STAT3: variants seen among roughly 807,000 people sequenced by gnomAD.
STAT3 encodes signal transducer and activator of transcription 3.
In STAT3, 7 loss-of-function variants were observed where a neutral mutation model predicts 114.3. The observed-to-expected ratio is 0.06, with a 90% confidence interval of 0.03 to 0.11. STAT3 has a LOEUF of 0.11. Among genes scored for constraint, STAT3 ranks in the 10% least tolerant of loss-of-function variants. STAT3 has a pLI of 1.00. For synonymous variants in STAT3, 331 were observed against 354.5 expected (o/e 0.93, Z 0.74); for missense variants, 364 against 960.9 (o/e 0.38, Z 8.21).
intron 8 of STAT3, among the ~76,000 whole-genome samples, chr17:42,334,823 G>C (rs904558442): frequency 5.9e-5 from 9 of 152,150 alleles, no homozygotes; most frequent in Non-Finnish European, 1.2e-4. Context: ...GGGCACACAA[G>C]AAGTATTAAA....
chr17:42,377,983 ATT>A lies in STAT3; in HGVS notation c.-24+10294_-24+10295del, dbSNP rs11378560. 3.1e-3 allele frequency among the ~76,000 whole-genome samples: 397 copies of A among 127,678 alleles called. 2 individuals are homozygous for A. The highest frequency in any genetic ancestry group is 0.011 in the African/African-American group (378 of 33,678). 83.8% of individuals were successfully genotyped at this position (127,678 alleles called of 152,430 possible). The stretch of plus-strand genomic sequence containing the variant: ...CCTGGGATATTTCTGCAGAAACAGG[ATT>A]TTTTTTTTTTTTTTTTTTGAGATGG... On this transcript the variant is annotated intron_variant, in intron 1 of 23. Transcript: ENST00000264657.
At chr17:42,341,170 A>G (rs536812660) in intron 4 of STAT3, among the ~76,000 whole-genome samples, 3 of 152,256 alleles carry the variant, frequency 2.0e-5, no homozygotes, top group Non-Finnish European at 4.4e-5. Flanking sequence ...GGGAGAAAAC[A>G]TGATTAACGA....
chr17:42,322,727 TAA>T (rs1282359445), intron 20 of STAT3, among the ~76,000 whole-genome samples: 1 of 152,184 alleles, frequency 6.6e-6, no homozygotes, highest in Non-Finnish European at 1.5e-5. Context: ...ACTACTTGCG[TAA>T]GATATATTAA....
At chr17:42,382,524 C>T (rs978776758) in intron 1 of STAT3, among the ~76,000 whole-genome samples, 5 of 152,182 alleles carry the variant, frequency 3.3e-5, no homozygotes, top group Non-Finnish European at 5.9e-5. Flanking sequence ...ACACCTCGGT[C>T]CCTGCAACAT....
intron 14 of STAT3, among the ~76,000 whole-genome samples, chr17:42,328,484 T>C (rs2081841593): frequency 6.6e-6 from 1 of 152,208 alleles, no homozygotes; most frequent in African/African-American, 2.4e-5. Context: ...CTTGGCTCAC[T>C]GCAAGCTCCA....
At chr17:42,328,622 G>C (rs1598404232) in intron 14 of STAT3, among the ~76,000 whole-genome samples, 4 of 152,242 alleles carry the variant, frequency 2.6e-5, no homozygotes, top group Admixed American at 6.5e-5. Flanking sequence ...TGGCCAGGCT[G>C]GTCTTGAACT....
At position 42,373,871 on chromosome 17, in the gene STAT3, C is replaced by A. The variant is rs539473801; in HGVS notation, c.-24+14408G>T. ...CTACACTCCAGCCTGGGCAACAGAG[C>A]GAGACTCCGTCTCAAAAAAAAAAAA... is the stretch of plus-strand genomic sequence containing the variant. On this transcript the variant is annotated intron_variant, in intron 1 of 23. Coordinates refer to ENST00000264657, the MANE Select transcript of STAT3 (RefSeq NM_139276.3). Among the ~76,000 whole-genome samples, 9 of 138,426 alleles carry A rather than the reference C, an allele frequency of 6.5e-5. No individual in the cohort carries two copies. In the East Asian group the frequency reaches 1.3e-3, roughly 19 times the overall value. The allele number at this position is 138,426 out of a possible 152,430, so 90.8% of individuals were successfully genotyped here. A position where few individuals can be genotyped will look rare whatever the true frequency, so the allele number is the denominator to read the frequency against.
intron 1 of STAT3, among the ~76,000 whole-genome samples, chr17:42,363,743 C>T (rs1354359867): frequency 1.3e-5 from 2 of 151,954 alleles, no homozygotes; most frequent in African/African-American, 4.8e-5. Context: ...TGAGCCATGG[C>T]ACCCAGCCTC....
At chr17:42,347,348 T>C (rs976449711) in intron 2 of STAT3, among the ~76,000 whole-genome samples, 2 of 152,172 alleles carry the variant, frequency 1.3e-5, no homozygotes, top group African/African-American at 4.8e-5. Flanking sequence ...TTAGTACAAA[T>C]AAGTAATCCC....
chr17:42,367,022 T>C (rs945398101), intron 1 of STAT3, among the ~76,000 whole-genome samples: 3 of 152,030 alleles, frequency 2.0e-5, no homozygotes, highest in Non-Finnish European at 2.9e-5. Flanking sequence ...GCGCCTGTAA[T>C]CTCAGCTACT....
intron 15 of STAT3, 57 bp downstream of exon 15, chr17:42,326,059 T>C: frequency 6.8e-7 from 1 of 1,481,470 alleles, no homozygotes; most frequent in Non-Finnish European, 9.4e-7. Flanking sequence ...CAGTGGAAGT[T>C]TTTGTCCTGA....
intron 1 of STAT3, among the ~76,000 whole-genome samples, chr17:42,353,381 GAGAAAAGAAA>G (rs150757603): frequency 9.2e-5 from 13 of 141,756 alleles, no homozygotes; most frequent in East Asian, 2.1e-4. Context: ...AAAGAAAGAA[GAGAAAAGAAA>G]AGAAAAGAAA....
chr17:42,348,560 A>G, intron 1 of STAT3, 21 bp from the exon 2 acceptor site: 1 of 1,612,006 alleles, frequency 6.2e-7, no homozygotes, highest in Non-Finnish European at 8.5e-7. Flanking sequence ...AAGTGTGCAT[A>G]TGTTCACCAC....
At position 42,354,172 on chromosome 17, in the gene STAT3, CT is replaced by C. The variant is rs1212253278; in HGVS notation, c.-23-5634del. On this transcript the variant is annotated intron_variant, in intron 1 of 23. Transcript: ENST00000264657. ...TAGTAAGTAGTACAATAATTGTGTT[CT>C]TTTTTTTTTTTTTTTTTTTGAGATG... Among the ~76,000 whole-genome samples, 715 of 108,658 alleles carry C rather than the reference CT, an allele frequency of 6.6e-3. 1 individual carries two copies. Among genetic ancestry groups the C allele is most frequent in the Middle Eastern group, 0.015 (3 of 194 alleles). 71.3% of individuals were successfully genotyped at this position (108,658 alleles called of 152,430 possible).
chr17:42,355,054 CA>C (rs1264462656), intron 1 of STAT3, among the ~76,000 whole-genome samples: 2 of 152,094 alleles, frequency 1.3e-5, no homozygotes, highest in South Asian at 4.1e-4. Flanking sequence ...GATGACTAGC[CA>C]AAGTGTCTAG....
intron 10 of STAT3, among the ~76,000 whole-genome samples, chr17:42,332,668 C>T (rs1183128610): frequency 6.6e-6 from 1 of 151,282 alleles, no homozygotes. Context: ...CATGGAGAAA[C>T]CCTGTCTCTA....
rs35099574 is a variant in STAT3, at chr17:42,358,933, C to CTTTTTTTTTTTTTTTTTTTTTTTTTTT, written c.-23-10395_-23-10394insAAAAAAAAAAAAAAAAAAAAAAAAAAA. 4.1e-4 allele frequency among the ~76,000 whole-genome samples: 41 copies of CTTTTTTTTTTTTTTTTTTTTTTTTTTT among 100,450 alleles called. 1 individual carries two copies. Among genetic ancestry groups the CTTTTTTTTTTTTTTTTTTTTTTTTTTT allele is most frequent in the Non-Finnish European group, 6.6e-4 (35 of 53,346 alleles). The allele number at this position is 100,450 out of a possible 152,430, so 65.9% of individuals were successfully genotyped here. A position where few individuals can be genotyped will look rare whatever the true frequency, so the allele number is the denominator to read the frequency against. ...GTCTCCCTTTCATGGACATTTCTTA[C>CTTTTTTTTTTTTTTTTTTTTTTTTTTT]TTTTTTTTTTTTTTTTTTTGAGATG... On this transcript the variant is annotated intron_variant, in intron 1 of 23. Transcript: ENST00000264657.
chr17:42,370,131 A>G, intron 1 of STAT3, among the ~76,000 whole-genome samples: 1 of 150,344 alleles, frequency 6.7e-6, no homozygotes, highest in Non-Finnish European at 1.5e-5. Context: ...CACCATGCCC[A>G]GCTAACTTTA....
chr17:42,345,707 T>G (rs1192194095), intron 3 of STAT3, 50 bp from the exon 4 acceptor site: 2 of 1,493,814 alleles, frequency 1.3e-6, no homozygotes, highest in African/African-American at 1.4e-5. Context: ...ACCATGGAGA[T>G]GTGGACTGAA....
Sources: gnomAD v4.1 joint callset for allele counts (sites outside exome capture counted in the v4.1 genomes callset) on GRCh38, gnomAD v4.1.1 for gene constraint, MANE v1.5 for transcripts, NCBI Gene and HGNC (gene_info 2026-07-23, HGNC 2026-07-21) for gene names.